The following CCDC85A variants were observed in gnomAD, a reference collection of about 807,000 sequenced individuals.
CCDC85A encodes the protein coiled-coil domain-containing protein 85A.
Under a neutral mutation model 50.2 loss-of-function variants are expected in CCDC85A, and 38 were observed. The ratio of observed to expected loss-of-function variants is 0.76; its 90% confidence interval spans 0.58 to 0.99. The LOEUF is 0.99. Among genes scored for constraint, CCDC85A ranks in the 50% least tolerant of loss-of-function variants. The pLI, the probability that CCDC85A is intolerant of heterozygous loss-of-function variation, is 0.00. For missense variants in CCDC85A, 820 were observed against 742.0 expected, an observed-to-expected ratio of 1.11 and a Z score of -1.22; for synonymous variants, 366 against 301.4, an observed-to-expected ratio of 1.21 and a Z score of -2.22.
intron 2 of CCDC85A, among the ~76,000 whole-genome samples, chr2:56,270,824 G>A (rs1024580281): frequency 2.0e-5 from 3 of 152,164 alleles, no homozygotes; most frequent in African/African-American, 7.2e-5. Flanking sequence ...ATGCTTCGTA[G>A]GCAGTTTATG....
intron 2 of CCDC85A, among the ~76,000 whole-genome samples, chr2:56,328,742 C>T (rs1391166203): frequency 6.6e-6 from 1 of 152,108 alleles, no homozygotes; most frequent in Non-Finnish European, 1.5e-5. Flanking sequence ...GTCACATCTA[C>T]ACTATATGTA....
At position 56,385,464 on chromosome 2, in the gene CCDC85A, G is replaced by A. The variant is rs986048907; in HGVS notation, c.*1109G>A. On this transcript the variant is annotated 3_prime_UTR_variant, in exon 6 of 6. Coordinates refer to ENST00000407595, the MANE Select transcript of CCDC85A (RefSeq NM_001080433.2). ...ATACATATACATATATATAACATTA[G>A]AATGTGTGTACTGGAAATGCTATGA... is the stretch of plus-strand genomic sequence containing the variant. The A allele has an allele frequency of 1.3e-5, 2 of 152,076 alleles. No homozygotes were observed. The highest frequency in any genetic ancestry group is 3.0e-5 in the Non-Finnish European group (2 of 67,792). 9.4% of individuals were successfully genotyped at this position (152,076 alleles called of 1,614,324 possible). A position where few individuals can be genotyped will look rare whatever the true frequency, so the allele number is the denominator to read the frequency against.
chr2:56,273,892 G>C (rs1427537211), intron 2 of CCDC85A, among the ~76,000 whole-genome samples: 1 of 151,968 alleles, frequency 6.6e-6, no homozygotes, highest in Non-Finnish European at 1.5e-5. Context: ...CATATCTGAT[G>C]GCAAAGATTA....
intron 2 of CCDC85A, among the ~76,000 whole-genome samples, chr2:56,333,060 A>AT (rs1396425844): frequency 6.6e-6 from 1 of 152,232 alleles, no homozygotes; most frequent in Non-Finnish European, 1.5e-5. Context: ...TGGAGTTTAC[A>AT]TTTTGGTAGG....
intron 5 of CCDC85A, among the ~76,000 whole-genome samples, chr2:56,378,284 T>G (rs999970846): frequency 1.4e-5 from 2 of 146,768 alleles, no homozygotes; most frequent in Non-Finnish European, 3.0e-5. Context: ...CGCTAGGCTT[T>G]ATAAAATCTG....
In CCDC85A at chr2:56,241,040, G is replaced by T. The variant is rs527352545; in HGVS notation, c.1240+47600G>T. On this transcript the variant is annotated intron_variant, in intron 2 of 5. Coordinates refer to ENST00000407595, the MANE Select transcript of CCDC85A (RefSeq NM_001080433.2). ...CATATTATTGCCAGCATTTGCTATT[G>T]TCTGTCTGGATCATAGGTGGTACCT... 2.0e-5 allele frequency among the ~76,000 whole-genome samples: 3 copies of T among 152,156 alleles called. No individual in the cohort carries two copies. The East Asian group carries it at 5.8e-4, about 29-fold the overall frequency.
At chr2:56,333,436 A>G (rs144500454) in intron 2 of CCDC85A, among the ~76,000 whole-genome samples, 1 of 152,344 alleles carries the variant, frequency 6.6e-6, no homozygotes, top group East Asian at 1.9e-4. Context: ...GAATGAGGGC[A>G]TGAAGTCAGA....
At chr2:56,251,670 TC>T (rs1199744947) in intron 2 of CCDC85A, among the ~76,000 whole-genome samples, 1 of 152,226 alleles carries the variant, frequency 6.6e-6, no homozygotes, top group Admixed American at 6.5e-5. Context: ...TTCTTGCTGT[TC>T]CTGTTCTTAT....
intron 2 of CCDC85A, among the ~76,000 whole-genome samples, chr2:56,337,868 T>C (rs1674153926): frequency 6.6e-6 from 1 of 151,196 alleles, no homozygotes; most frequent in Non-Finnish European, 1.5e-5. Context: ...CACTGCAACC[T>C]CCGCCTCCCG....
At chr2:56,294,526 A>G (rs550486815) in intron 2 of CCDC85A, among the ~76,000 whole-genome samples, 1 of 152,320 alleles carries the variant, frequency 6.6e-6, no homozygotes, top group Admixed American at 6.5e-5. Flanking sequence ...TTATGCACTC[A>G]CTGACCTTGA....
intron 2 of CCDC85A, among the ~76,000 whole-genome samples, chr2:56,335,327 C>T (rs986051465): frequency 2.0e-5 from 3 of 152,150 alleles, no homozygotes; most frequent in African/African-American, 7.2e-5. Flanking sequence ...TGAGTGCAAG[C>T]CATGCCTTTA....
rs186521045 is a variant in CCDC85A at position 56,208,348 on chromosome 2, C to A, written c.1240+14908C>A. 4.0e-4 allele frequency among the ~76,000 whole-genome samples: 61 copies of A among 152,236 alleles called. 1 individual carries two copies. The highest frequency in any genetic ancestry group is 3.7e-3 in the Admixed American group (56 of 15,292). Reference sequence around the variant, plus strand: ...GAAGTTTTATCCATACAATGAAGCACAATCTCCCACTATTACCCCATTGCA... The same window carrying A: ...GAAGTTTTATCCATACAATGAAGCAAAATCTCCCACTATTACCCCATTGCA... On this transcript the variant is annotated intron_variant, in intron 2 of 5. Coordinates refer to ENST00000407595, the MANE Select transcript of CCDC85A (RefSeq NM_001080433.2).
At chr2:56,374,597 C>T (rs553572000) in intron 4 of CCDC85A, among the ~76,000 whole-genome samples, 4 of 152,130 alleles carry the variant, frequency 2.6e-5, no homozygotes, top group Admixed American at 2.0e-4. Context: ...TCACTTGAGG[C>T]CAGGAGTTCA....
At position 56,258,482 on chromosome 2, in the gene CCDC85A, C is replaced by T. The variant is rs531193540; in HGVS notation, c.1240+65042C>T. ...ACTTCATTATCCGATATGGCCTGAG[C>T]TTGGCCTGAGTCCTTCTCCACAGAG... is the stretch of plus-strand genomic sequence containing the variant. On this transcript the variant is annotated intron_variant, in intron 2 of 5. Transcript: ENST00000407595. Among the ~76,000 whole-genome samples, 64 of 152,276 alleles carry T rather than the reference C, an allele frequency of 4.2e-4. 1 individual carries two copies. The highest frequency in any genetic ancestry group is 1.5e-3 in the African/African-American group (62 of 41,556).
chr2:56,383,374 G>A (rs1558669286), intron 5 of CCDC85A, among the ~76,000 whole-genome samples: 1 of 151,956 alleles, frequency 6.6e-6, no homozygotes, highest in Non-Finnish European at 1.5e-5. Flanking sequence ...GTCTGGGAGG[G>A]TATGGCTGTT....
intron 2 of CCDC85A, among the ~76,000 whole-genome samples, chr2:56,246,878 C>T (rs1009203999): frequency 1.3e-5 from 2 of 152,116 alleles, no homozygotes; most frequent in Non-Finnish European, 1.5e-5. Flanking sequence ...GGACTTTTTA[C>T]TTCTGGCTTC....
chr2:56,315,082 C>G (rs936812352), intron 2 of CCDC85A, among the ~76,000 whole-genome samples: 56 of 152,182 alleles, frequency 3.7e-4, no homozygotes, highest in Admixed American at 2.0e-4. Flanking sequence ...TTCTGGAAAA[C>G]TAACCTCCAC....
At chr2:56,239,581 T>A (rs891615517) in intron 2 of CCDC85A, among the ~76,000 whole-genome samples, 5 of 152,190 alleles carry the variant, frequency 3.3e-5, no homozygotes, top group African/African-American at 1.2e-4. Context: ...GGGAAATGAA[T>A]TGGCAGTATT....
chr2:56,185,817 C>G (rs1676004214), intron 1 of CCDC85A: 2 of 152,438 alleles, frequency 1.3e-5, no homozygotes, highest in Non-Finnish European at 2.9e-5. Flanking sequence ...CACAAACTTC[C>G]TCTCCTTCCA....
Sources: gnomAD v4.1 joint callset for allele counts (sites outside exome capture counted in the v4.1 genomes callset) on GRCh38, gnomAD v4.1.1 for gene constraint, MANE v1.5 for transcripts, NCBI Gene and HGNC (gene_info 2026-07-23, HGNC 2026-07-21) for gene names.